CEBPZOS: variants seen among roughly 807,000 people sequenced by gnomAD.
CEBPZOS encodes CEBPZ opposite strand, also known as protein CEBPZOS.
In CEBPZOS, 10 loss-of-function variants were observed where a neutral mutation model predicts 4.8. The observed-to-expected ratio is 2.07, with a 90% CI of 1.28 to 3.52. The LOEUF is 3.52. Among genes scored for constraint, CEBPZOS ranks in the 30% most tolerant of loss-of-function variants. The pLI, the probability that CEBPZOS is intolerant of heterozygous loss-of-function variation, is 0.00. For synonymous variants in CEBPZOS, 25 were observed against 14.2 expected (o/e 1.77, Z -1.72); for missense variants, 98 against 43.6 (o/e 2.25, Z -3.51).
rs1380545362 is a variant in CEBPZOS at position 37,212,279 on chromosome 2, G to T, written c.*3-1158G>T. On this transcript the variant is annotated intron_variant, in intron 4 of 4. Transcript: ENST00000397064. ...AGTTCTGTGGTCTACTGTTCTGAGG[G>T]ACAACAATTTGGGAAATGCTAGAAA... 6 of 1,484,516 alleles carry T rather than the reference G, an allele frequency of 4.0e-6. No individual in the cohort carries two copies. In the African/African-American group the frequency reaches 8.3e-5, roughly 21 times the overall value. The allele number at this position is 1,484,516 out of a possible 1,614,324, so 92.0% of individuals were successfully genotyped here.
intron 3 of CEBPZOS, 183 bp from the exon 4 acceptor site, chr2:37,201,459 G>A (rs190057968): frequency 3.8e-5 from 21 of 553,084 alleles, no homozygotes; most frequent in Non-Finnish European, 6.5e-5. Flanking sequence ...GTAGTTAGAC[G>A]AAATAGTGCT....
Position 37,202,726 on chromosome 2 carries a change from TGAA to T in CEBPZOS, c.*868_*870del. The T allele has an allele frequency of 1.2e-6, 1 of 841,634 alleles. No homozygotes were observed. The highest frequency in any genetic ancestry group is 1.8e-6 in the Non-Finnish European group (1 of 559,936). The allele number at this position is 841,634 out of a possible 1,614,324, so 52.1% of individuals were successfully genotyped here. A position where few individuals can be genotyped will look rare whatever the true frequency, so the allele number is the denominator to read the frequency against. On this transcript the variant is annotated 3_prime_UTR_variant, in exon 5 of 5. Coordinates refer to ENST00000402297, the MANE Select transcript of CEBPZOS (RefSeq NM_001322374.2). ...AAAATAACGAAAATTTCCTATCTTC[TGAA>T]GTTCCAAGCCAAAGCTATTTTTAAA...
chr2:37,201,952 T>A lies in CEBPZOS; in HGVS notation c.*92T>A. ...AGTGTACTACCACACTGTAGACTCT[T>A]GGTGGTCCCACAGAACATGCTGCTG... is the stretch of plus-strand genomic sequence containing the variant. On this transcript the variant is annotated 3_prime_UTR_variant, in exon 5 of 5. Coordinates refer to ENST00000402297, the MANE Select transcript of CEBPZOS (RefSeq NM_001322374.2). 1 of 1,555,400 alleles carries A rather than the reference T, an allele frequency of 6.4e-7. No individual in the cohort carries two copies. The highest frequency in any genetic ancestry group is 8.7e-7 in the Non-Finnish European group (1 of 1,146,714).
In CEBPZOS at chr2:37,201,034, C is replaced by G. The variant is rs1427949482; in HGVS notation, c.116-14C>G. 5.6e-6 allele frequency: 4 copies of G among 714,344 alleles called. No individual in the cohort carries two copies. Among genetic ancestry groups the G allele is most frequent in the Non-Finnish European group, 1.0e-5 (4 of 384,106 alleles). 44.3% of individuals were successfully genotyped at this position (714,344 alleles called of 1,614,324 possible). A position where few individuals can be genotyped will look rare whatever the true frequency, so the allele number is the denominator to read the frequency against. On this transcript the variant is annotated splice_polypyrimidine_tract_variant and intron_variant, in intron 2 of 4. Coordinates refer to ENST00000402297, the MANE Select transcript of CEBPZOS (RefSeq NM_001322374.2). ...TGTTCATATCTAATTTCAAGACATC[C>G]TTTTTTCCATCAGATTTCAGGCAAA...
At chr2:37,213,643 A>T in exon 5 of CEBPZOS, 1 of 414,382 alleles carries the variant, frequency 2.4e-6, no homozygotes, top group South Asian at 2.6e-5. Context: ...CGAACTCCTG[A>T]CCTCAAACAA....
chr2:37,215,595 C>G (rs535197429), downstream of CEBPZOS: 4 of 152,550 alleles, frequency 2.6e-5, no homozygotes, highest in African/African-American at 9.6e-5. Flanking sequence ...CTAATTTAAT[C>G]CTGGTCTCTG....
At chr2:37,198,130 A>G (rs928591267) in intron 1 of CEBPZOS, among the ~76,000 whole-genome samples, 8 of 151,970 alleles carry the variant, frequency 5.3e-5, no homozygotes, top group Admixed American at 3.9e-4. Flanking sequence ...ACTGCACTCC[A>G]GCCTGGGCGA....
At chr2:37,211,166 A>T in intron 4 of CEBPZOS, 4 of 898,656 alleles carry the variant, frequency 4.5e-6, no homozygotes, top group South Asian at 1.5e-5. Context: ...TAAAATCTTT[A>T]TTCTGATGGT....
Position 37,196,502 on chromosome 2 carries a change from C to T in CEBPZOS, c.-20C>T, listed in dbSNP as rs1676941166. 6.6e-6 allele frequency: 1 copy of T among 152,246 alleles called. No homozygotes were observed. Among genetic ancestry groups the T allele is most frequent in the Admixed American group, 6.5e-5 (1 of 15,288 alleles). 9.4% of individuals were successfully genotyped at this position (152,246 alleles called of 1,614,324 possible). ...CGCCAACCGTTGCGCATGCGCAGTC[C>T]CCCTTGAACGCACCTCAGGTAAGAC... On this transcript the variant is annotated 5_prime_UTR_variant, in exon 1 of 5. Coordinates refer to ENST00000402297, the MANE Select transcript of CEBPZOS (RefSeq NM_001322374.2).
rs191588386 is a variant in CEBPZOS at position 37,202,505 on chromosome 2, C to T, written c.*645C>T. 3.3e-4 allele frequency: 79 copies of T among 237,130 alleles called. No homozygotes were observed. The highest frequency in any genetic ancestry group is 9.4e-4 in the Admixed American group (17 of 18,118). The allele number at this position is 237,130 out of a possible 1,614,324, so 14.7% of individuals were successfully genotyped here. A position where few individuals can be genotyped will look rare whatever the true frequency, so the allele number is the denominator to read the frequency against. On this transcript the variant is annotated 3_prime_UTR_variant, in exon 5 of 5. Coordinates refer to ENST00000402297, the MANE Select transcript of CEBPZOS (RefSeq NM_001322374.2). ...ACTAAAAATACAAAAATTAGCTGGGCGTGGTGGTGCATGCCTGTAATCCCA... is the reference window on the plus strand; with the variant it reads ...ACTAAAAATACAAAAATTAGCTGGGTGTGGTGGTGCATGCCTGTAATCCCA...
intron 4 of CEBPZOS, chr2:37,211,557 C>A (rs886812217): frequency 8.0e-5 from 26 of 325,244 alleles, no homozygotes; most frequent in Non-Finnish European, 1.2e-4. Context: ...TAATTACTAT[C>A]AAAAAATGGC....
intron 3 of CEBPZOS, chr2:37,201,418 A>G (rs1308136560): frequency 2.5e-5 from 13 of 513,780 alleles, no homozygotes; most frequent in Middle Eastern, 1.0e-3. Context: ...TTCTCTGTCA[A>G]GTAGATAAAG....
At chr2:37,207,162 A>G (rs1677566577), downstream of CEBPZOS, among the ~76,000 whole-genome samples, 1 of 152,204 alleles carries the variant, frequency 6.6e-6, no homozygotes, top group Admixed American at 6.5e-5. Context: ...AACCATTACT[A>G]CTAGACCTAA....
In CEBPZOS at chr2:37,201,912, G is replaced by C; in HGVS notation, c.*52G>C. 1 of 1,610,682 alleles carries C rather than the reference G, an allele frequency of 6.2e-7. No individual in the cohort carries two copies. The highest frequency in any genetic ancestry group is 8.5e-7 in the Non-Finnish European group (1 of 1,178,984). On this transcript the variant is annotated 3_prime_UTR_variant, in exon 5 of 5. Coordinates refer to ENST00000402297, the MANE Select transcript of CEBPZOS (RefSeq NM_001322374.2). ...TCTAAGCTGTTTGAGACCTTTGAGAGAAGAAGAAAAGATGAGTGTACTACC... is the reference window on the plus strand; with the variant it reads ...TCTAAGCTGTTTGAGACCTTTGAGACAAGAAGAAAAGATGAGTGTACTACC...
Position 37,202,624 on chromosome 2 carries a change from A to C in CEBPZOS, c.*764A>C. 1 of 460,156 alleles carries C rather than the reference A, an allele frequency of 2.2e-6. No individual in the cohort carries two copies. The highest frequency in any genetic ancestry group is 6.3e-4 in the Middle Eastern group (1 of 1,592). The allele number at this position is 460,156 out of a possible 1,614,324, so 28.5% of individuals were successfully genotyped here. ...CATGCCACTGCATTCCAACCTGGGC[A>C]AGGGAGTGAGACGCTGTCTCAAAAA... On this transcript the variant is annotated 3_prime_UTR_variant, in exon 5 of 5. Transcript: ENST00000402297.
At chr2:37,205,882 AAAG>A (rs1194274533), downstream of CEBPZOS, among the ~76,000 whole-genome samples, 2 of 152,004 alleles carry the variant, frequency 1.3e-5, no homozygotes, top group Non-Finnish European at 2.9e-5. Flanking sequence ...CAATTAGCAG[AAAG>A]AAGAGTTCGT....
intron 3 of CEBPZOS, 183 bp downstream of exon 3, chr2:37,201,275 T>G (rs1677217562): frequency 1.8e-6 from 1 of 563,590 alleles, no homozygotes; most frequent in Non-Finnish European, 3.1e-6. Context: ...GGATTCTGAA[T>G]TCTTCTAGTG....
chr2:37,205,563 A>T (rs1229107424), downstream of CEBPZOS, among the ~76,000 whole-genome samples: 2 of 152,188 alleles, frequency 1.3e-5, no homozygotes, highest in East Asian at 3.8e-4. Context: ...GCCCGCCTGC[A>T]CCCAGGTGAA....
Position 37,201,997 on chromosome 2 carries a change from C to T in CEBPZOS, c.*137C>T. 1 of 1,201,704 alleles carries T rather than the reference C, an allele frequency of 8.3e-7. No homozygotes were observed. Among genetic ancestry groups the T allele is most frequent in the Non-Finnish European group, 1.2e-6 (1 of 857,840 alleles). The allele number at this position is 1,201,704 out of a possible 1,614,324, so 74.4% of individuals were successfully genotyped here. Reference sequence around the variant, plus strand: ...CTGCTGAGTCACAGGAACTTCTAGCCTGCCTTGGCCTGTGGTTTCCCACCC... The same window carrying T: ...CTGCTGAGTCACAGGAACTTCTAGCTTGCCTTGGCCTGTGGTTTCCCACCC... On this transcript the variant is annotated 3_prime_UTR_variant, in exon 5 of 5. Coordinates refer to ENST00000402297, the MANE Select transcript of CEBPZOS (RefSeq NM_001322374.2).
Sources: gnomAD v4.1 joint callset for allele counts (sites outside exome capture counted in the v4.1 genomes callset) on GRCh38, gnomAD v4.1.1 for gene constraint, MANE v1.5 for transcripts, NCBI Gene and HGNC (gene_info 2026-07-23, HGNC 2026-07-21) for gene names.